The following CARNMT1 variants were observed in gnomAD, a reference collection of about 807,000 sequenced individuals.
CARNMT1 encodes carnosine N-methyltransferase 1.
Under a neutral mutation model 49.6 loss-of-function variants are expected in CARNMT1, and 28 were observed. That is an observed-to-expected ratio of 0.56 (90% CI 0.42 to 0.77). The LOEUF (loss-of-function observed/expected upper bound fraction) is 0.77, where lower values mean the gene tolerates loss of function less well. Among genes scored for constraint, CARNMT1 ranks in the 30% least tolerant of loss-of-function variants. CARNMT1 has a pLI of 0.00. For missense variants in CARNMT1, 421 were observed against 512.6 expected, an observed-to-expected ratio of 0.82 and a Z score of 1.73; for synonymous variants, 178 against 175.0, an observed-to-expected ratio of 1.02 and a Z score of -0.13.
chr9:75,026,574 C>T (rs1170249058), intron 1 of CARNMT1, among the ~76,000 whole-genome samples: 1 of 152,198 alleles, frequency 6.6e-6, no homozygotes, highest in Admixed American at 6.5e-5. Flanking sequence ...GCCTTGCTCC[C>T]TCTGTTACTA....
chr9:75,015,133 T>C (rs1833808882), intron 3 of CARNMT1, among the ~76,000 whole-genome samples: 1 of 152,192 alleles, frequency 6.6e-6, no homozygotes, highest in African/African-American at 2.4e-5. Flanking sequence ...GTGGATAGAA[T>C]TCACTGAGTC....
intron 1 of CARNMT1, among the ~76,000 whole-genome samples, chr9:75,027,792 G>A (rs1156550021): frequency 6.6e-6 from 1 of 152,238 alleles, no homozygotes; most frequent in Non-Finnish European, 1.5e-5. Flanking sequence ...GAAGACACGA[G>A]GCTGTGCAGC....
intron 6 of CARNMT1, among the ~76,000 whole-genome samples, chr9:74,988,328 T>G (rs1379579223): frequency 1.3e-5 from 2 of 152,136 alleles, no homozygotes; most frequent in Admixed American, 1.3e-4. Context: ...ATTAAAAAAT[T>G]AAAAAATCAC....
chr9:75,026,488 G>A (rs1188272264), intron 1 of CARNMT1, among the ~76,000 whole-genome samples: 1 of 152,184 alleles, frequency 6.6e-6, no homozygotes, highest in African/African-American at 2.4e-5. Flanking sequence ...GCTATCTGAT[G>A]TTAGCTGCCT....
intron 3 of CARNMT1, 57 bp downstream of exon 3, chr9:75,016,211 A>G: frequency 7.7e-7 from 1 of 1,306,812 alleles, no homozygotes; most frequent in East Asian, 2.3e-5. Context: ...CATTTTATCA[A>G]GAAACTCAAG....
intron 1 of CARNMT1, among the ~76,000 whole-genome samples, chr9:75,022,341 A>C (rs1372366634): frequency 1.4e-5 from 2 of 143,258 alleles, no homozygotes; most frequent in African/African-American, 2.6e-5. Context: ...CTTCTGGTTC[A>C]GTCTCCCAAG....
At chr9:74,997,133 G>C (rs1194651014) in intron 5 of CARNMT1, among the ~76,000 whole-genome samples, 1 of 152,170 alleles carries the variant, frequency 6.6e-6, no homozygotes, top group East Asian at 1.9e-4. Context: ...CTATACAAAT[G>C]CTGGTGCAAT....
chr9:74,995,771 C>T (rs1217619523), intron 6 of CARNMT1, among the ~76,000 whole-genome samples: 2 of 152,056 alleles, frequency 1.3e-5, no homozygotes, highest in African/African-American at 4.8e-5. Context: ...TCTTTCTGAA[C>T]ACAGATTATA....
At chr9:75,026,933 C>A in intron 1 of CARNMT1, 2 of 423,594 alleles carry the variant, frequency 4.7e-6, no homozygotes, top group South Asian at 4.0e-5. Flanking sequence ...CAGCCCCTGC[C>A]CTTGAGGAGG....
In CARNMT1 at chr9:74,981,882, A is replaced by G. The variant is rs147018134; in HGVS notation, c.*1885T>C. 2 of 152,004 alleles carry G rather than the reference A, an allele frequency of 1.3e-5. No homozygotes were observed. Among genetic ancestry groups the G allele is most frequent in the African/African-American group, 4.8e-5 (2 of 41,424 alleles). 9.4% of individuals were successfully genotyped at this position (152,004 alleles called of 1,614,324 possible). On this transcript the variant is annotated 3_prime_UTR_variant, in exon 8 of 8. Transcript: ENST00000376834. Reference sequence around the variant, plus strand: ...TTAAAAAATACTTATGTACTTTGCAAGTTTTCTTCTTTTAAAACAATAATT... The same window carrying G: ...TTAAAAAATACTTATGTACTTTGCAGGTTTTCTTCTTTTAAAACAATAATT...
intron 1 of CARNMT1, among the ~76,000 whole-genome samples, chr9:75,025,165 TTC>T (rs920232463): frequency 4.6e-5 from 7 of 152,248 alleles, no homozygotes; most frequent in African/African-American, 1.7e-4. Context: ...AATGTCTTTT[TTC>T]TCTGCTTCTT....
chr9:75,021,486 A>ATATC (rs1554759227), intron 1 of CARNMT1, among the ~76,000 whole-genome samples: 5 of 147,710 alleles, frequency 3.4e-5, no homozygotes, highest in Non-Finnish European at 6.0e-5. Flanking sequence ...ATATATATAT[A>ATATC]TCTACTGTTC....
At chr9:74,996,291 C>T in intron 6 of CARNMT1, 156 bp downstream of exon 6, 1 of 536,028 alleles carries the variant, frequency 1.9e-6, no homozygotes, top group Non-Finnish European at 3.3e-6. Context: ...GAGGGATCAC[C>T]ACCAGGATGC....
intron 7 of CARNMT1, among the ~76,000 whole-genome samples, chr9:74,984,673 T>C (rs992586397): frequency 6.6e-6 from 1 of 152,122 alleles, no homozygotes; most frequent in Admixed American, 6.6e-5. Context: ...TAGACTTCAG[T>C]CCCCTCCCAA....
chr9:75,017,699 TA>T (rs1833893313), intron 1 of CARNMT1, among the ~76,000 whole-genome samples: 1 of 152,232 alleles, frequency 6.6e-6, no homozygotes, highest in Non-Finnish European at 1.5e-5. Flanking sequence ...ATGCACCAAT[TA>T]GAAGAGGAAA....
At position 74,983,960 on chromosome 9, in the gene CARNMT1, T is replaced by G. The variant is rs934234188; in HGVS notation, c.1129-92A>C. On this transcript the variant is annotated intron_variant, in intron 7 of 7. Transcript: ENST00000376834. ...GCACATATGTATCAGTGGCAGGCAC[T>G]ATTTTAAGCATATTCATTTATTACA... 8 of 706,708 alleles carry G rather than the reference T, an allele frequency of 1.1e-5. No individual in the cohort carries two copies. In the African/African-American group the frequency reaches 1.3e-4, roughly 11 times the overall value. The allele number at this position is 706,708 out of a possible 1,614,324, so 43.8% of individuals were successfully genotyped here. A position where few individuals can be genotyped will look rare whatever the true frequency, so the allele number is the denominator to read the frequency against.
At position 74,999,882 on chromosome 9, in the gene CARNMT1, T is replaced by C; in HGVS notation, c.591-12A>G. On this transcript the variant is annotated splice_polypyrimidine_tract_variant and intron_variant, in intron 3 of 7. Transcript: ENST00000376834. ...CTTTAGAAGGATCCCTGAAATGAAA[T>C]AAGGCAATTATGTCCAACCCCTCAA... The C allele has an allele frequency of 3.2e-6, 5 of 1,586,236 alleles. No individual in the cohort carries two copies. Among genetic ancestry groups the C allele is most frequent in the Non-Finnish European group, 4.3e-6 (5 of 1,169,972 alleles).
chr9:75,002,265 C>G (rs781229800), intron 3 of CARNMT1, among the ~76,000 whole-genome samples: 1 of 152,178 alleles, frequency 6.6e-6, no homozygotes, highest in East Asian at 1.9e-4. Flanking sequence ...ACACACAGAA[C>G]GATCTTTGCA....
intron 3 of CARNMT1, among the ~76,000 whole-genome samples, chr9:75,008,995 C>T (rs1052686544): frequency 7.3e-5 from 11 of 151,016 alleles, no homozygotes; most frequent in African/African-American, 2.7e-4. Flanking sequence ...CCAGAAAAAA[C>T]CCACATACAT....
Sources: allele counts gnomAD v4.1 joint callset (sites outside exome capture counted in the v4.1 genomes callset), GRCh38; gene constraint gnomAD v4.1.1; transcripts MANE v1.5; gene names NCBI Gene and HGNC (gene_info 2026-07-23, HGNC 2026-07-21).